Variants in ARHGAP15 observed in about 807,000 individuals in gnomAD.
The protein encoded by ARHGAP15 is rho GTPase-activating protein 15.
A neutral mutation model predicts 63.7 loss-of-function variants in ARHGAP15; 51 were observed. The observed-to-expected ratio is 0.80, with a 90% CI of 0.64 to 1.01. The LOEUF (loss-of-function observed/expected upper bound fraction) is 1.01. Ranked by LOEUF, ARHGAP15 falls within the 50% of genes least tolerant of loss-of-function variation. ARHGAP15 has a pLI of 0.00. For synonymous variants in ARHGAP15, 191 were observed against 193.8 expected, an observed-to-expected ratio of 0.99 and a Z score of 0.12; for missense variants, 560 against 564.6, an observed-to-expected ratio of 0.99 and a Z score of 0.08.
intron 12 of ARHGAP15, among the ~76,000 whole-genome samples, chr2:143,635,194 C>CTTTTTTTTTT (rs10558886): frequency 5.6e-4 from 15 of 26,888 alleles, no homozygotes; most frequent in African/African-American, 8.5e-4. Flanking sequence ...CTCTCAGGAG[C>CTTTTTTTTTT]TTTTTTTTTT....
intron 12 of ARHGAP15, among the ~76,000 whole-genome samples, chr2:143,628,061 T>A (rs1698907614): frequency 6.6e-6 from 1 of 152,100 alleles, no homozygotes; most frequent in South Asian, 2.1e-4. Flanking sequence ...CTCCCACTTA[T>A]AAGAAAGAAC....
intron 6 of ARHGAP15, among the ~76,000 whole-genome samples, chr2:143,289,415 T>C (rs1425135349): frequency 6.6e-6 from 1 of 152,190 alleles, no homozygotes; most frequent in East Asian, 1.9e-4. Context: ...AAATGAAGGA[T>C]GTAAAAGGTT....
intron 12 of ARHGAP15, among the ~76,000 whole-genome samples, chr2:143,691,934 A>G (rs780232844): frequency 6.6e-6 from 1 of 152,204 alleles, no homozygotes; most frequent in Non-Finnish European, 1.5e-5. Context: ...ATTTTAAGCT[A>G]TTATTGCCAA....
intron 8 of ARHGAP15, among the ~76,000 whole-genome samples, chr2:143,478,624 A>G (rs1411202060): frequency 6.6e-6 from 1 of 152,210 alleles, no homozygotes; most frequent in Non-Finnish European, 1.5e-5. Context: ...GGAACCTACC[A>G]TATTGATAAG....
rs1689456723 is a variant in ARHGAP15 at position 143,143,528 on chromosome 2, A to G, written c.-14-11949A>G. 3.3e-5 allele frequency among the ~76,000 whole-genome samples: 5 copies of G among 151,052 alleles called. No individual in the cohort carries two copies. In the South Asian group the frequency reaches 1.0e-3, roughly 32 times the overall value. On this transcript the variant is annotated intron_variant, in intron 1 of 13. Transcript: ENST00000295095. ...TTGTGGATTTTTTTTTCTCACACCAAACTTCCTTTGGTCTTTATCAAGGAG... is the reference window on the plus strand; with the variant it reads ...TTGTGGATTTTTTTTTCTCACACCAGACTTCCTTTGGTCTTTATCAAGGAG...
intron 6 of ARHGAP15, among the ~76,000 whole-genome samples, chr2:143,309,958 G>C (rs578184443): frequency 6.6e-6 from 1 of 151,530 alleles, no homozygotes; most frequent in Non-Finnish European, 1.5e-5. Context: ...ATTGTACTTT[G>C]AATATGCGAG....
chr2:143,643,205 G>A (rs778610029), intron 12 of ARHGAP15, among the ~76,000 whole-genome samples: 1 of 152,054 alleles, frequency 6.6e-6, no homozygotes, highest in Admixed American at 6.6e-5. Context: ...ATGTTTAAGA[G>A]GGGAAGGGAA....
chr2:143,379,993 G>A (rs1483496857), intron 6 of ARHGAP15, among the ~76,000 whole-genome samples: 1 of 151,954 alleles, frequency 6.6e-6, no homozygotes, highest in East Asian at 1.9e-4. Context: ...TTTGTGTAAA[G>A]CAGTATAGTA....
chr2:143,535,935 T>C (rs1446922137), intron 10 of ARHGAP15, among the ~76,000 whole-genome samples: 1 of 152,198 alleles, frequency 6.6e-6, no homozygotes, highest in Non-Finnish European at 1.5e-5. Flanking sequence ...TTTTTTAAAT[T>C]TGTGGATAAT....
intron 8 of ARHGAP15, among the ~76,000 whole-genome samples, chr2:143,446,072 C>T (rs1690124545): frequency 6.6e-6 from 1 of 150,930 alleles, no homozygotes; most frequent in Admixed American, 6.6e-5. Flanking sequence ...TTCTTAACTC[C>T]AAGATATACA....
Position 143,338,460 on chromosome 2 carries a change from A to G in ARHGAP15, c.474+87860A>G, listed in dbSNP as rs142705908. Among the ~76,000 whole-genome samples the G allele has an allele frequency of 2.0e-3, 305 of 152,286 alleles. 2 individuals carry two copies. The highest frequency in any genetic ancestry group is 6.9e-3 in the African/African-American group (288 of 41,546). On this transcript the variant is annotated intron_variant, in intron 6 of 13. Coordinates refer to ENST00000295095, the MANE Select transcript of ARHGAP15 (RefSeq NM_018460.4). ...GACTAGAATTTGTTAGTGCAAGCCTATGTGACATTAAAATACAATGTGTGA... is the reference window on the plus strand; with the variant it reads ...GACTAGAATTTGTTAGTGCAAGCCTGTGTGACATTAAAATACAATGTGTGA...
At chr2:143,560,444 G>A (rs1695972950) in intron 11 of ARHGAP15, among the ~76,000 whole-genome samples, 1 of 152,124 alleles carries the variant, frequency 6.6e-6, no homozygotes, top group South Asian at 2.1e-4. Flanking sequence ...AGTAAATAAT[G>A]TCCTAATGTC....
intron 1 of ARHGAP15, among the ~76,000 whole-genome samples, chr2:143,150,274 G>T (rs776302291): frequency 1.3e-5 from 2 of 151,914 alleles, no homozygotes; most frequent in Non-Finnish European, 2.9e-5. Flanking sequence ...ACTCAAAAGG[G>T]CAGGCTGCTG....
At chr2:143,638,348 G>GT (rs1195446991) in intron 12 of ARHGAP15, among the ~76,000 whole-genome samples, 4 of 150,296 alleles carry the variant, frequency 2.7e-5, no homozygotes. Flanking sequence ...CATGTGGTTT[G>GT]TAGGGACATG....
intron 6 of ARHGAP15, among the ~76,000 whole-genome samples, chr2:143,289,205 AG>A (rs35822113): frequency 0.22 from 33,331 of 152,080 alleles, 4,156 homozygotes; most frequent in South Asian, 0.39. Context: ...AGACAGTAGT[AG>A]TAAGTTAGGC....
chr2:143,243,489 T>A (rs1693940652), intron 5 of ARHGAP15, among the ~76,000 whole-genome samples: 1 of 152,162 alleles, frequency 6.6e-6, no homozygotes, highest in African/African-American at 2.4e-5. Context: ...AGAAATATGG[T>A]GTGTACATTC....
chr2:143,559,917 T>C (rs1280328942), intron 11 of ARHGAP15, among the ~76,000 whole-genome samples: 2 of 152,252 alleles, frequency 1.3e-5, no homozygotes, highest in African/African-American at 4.8e-5. Context: ...TTTTATTCCT[T>C]CTTTATTCAC....
chr2:143,391,248 A>T (rs2104968894), intron 6 of ARHGAP15, among the ~76,000 whole-genome samples: 1 of 152,312 alleles, frequency 6.6e-6, no homozygotes, highest in African/African-American at 2.4e-5. Context: ...GTAGTTGATA[A>T]TCACCTGGCT....
intron 10 of ARHGAP15, among the ~76,000 whole-genome samples, chr2:143,554,944 T>C (rs189628338): frequency 4.6e-5 from 7 of 152,250 alleles, no homozygotes; most frequent in Admixed American, 6.5e-5. Context: ...ACCCAATTCC[T>C]CACAATTTAT....
Sources: allele counts gnomAD v4.1 joint callset (sites outside exome capture counted in the v4.1 genomes callset), GRCh38; gene constraint gnomAD v4.1.1; transcripts MANE v1.5; gene names NCBI Gene and HGNC (gene_info 2026-07-23, HGNC 2026-07-21).